Variants in TUBGCP3 observed in about 807,000 individuals in gnomAD.
TUBGCP3 encodes the protein tubulin gamma complex component 3.
TUBGCP3 carries 50 observed loss-of-function variants against 123.1 expected under a neutral mutation model. The ratio of observed to expected loss-of-function variants is 0.41; its 90% CI spans 0.32 to 0.51. TUBGCP3 has a LOEUF of 0.51. TUBGCP3 is among the 20% of genes least tolerant of loss of function. The pLI is 0.36. For missense variants in TUBGCP3, 882 were observed against 1,127.0 expected (o/e 0.78, Z 3.11); for synonymous variants, 405 against 413.9 (o/e 0.98, Z 0.26).
chr13:112,544,839 T>C (rs376883871), intron 11 of TUBGCP3: 2 of 152,384 alleles, frequency 1.3e-5, no homozygotes, highest in South Asian at 2.1e-4. Context: ...AAACAACTTG[T>C]AACAGCACAA....
chr13:112,567,118 G>C (rs1291600131), intron 2 of TUBGCP3, among the ~76,000 whole-genome samples: 2 of 152,118 alleles, frequency 1.3e-5, no homozygotes, highest in Non-Finnish European at 2.9e-5. Flanking sequence ...CTCACTGGAG[G>C]GTCCCAAGAA....
At chr13:112,593,144 C>T (rs141393242), upstream of TUBGCP3, among the ~76,000 whole-genome samples, 212 of 152,242 alleles carry the variant, frequency 1.4e-3, no homozygotes, top group Admixed American at 3.3e-3. Context: ...GGATGCTGGG[C>T]GCGGTAGCTC....
chr13:112,524,342 G>A lies in TUBGCP3; in HGVS notation c.1556-1833C>T, dbSNP rs562181670. 5.8e-4 allele frequency among the ~76,000 whole-genome samples: 88 copies of A among 152,244 alleles called. No individual in the cohort carries two copies. The highest frequency in any genetic ancestry group is 2.0e-3 in the African/African-American group (81 of 41,538). ...TTGATTGAATCTGCAGATGTGGGGC[G>A]GTGGGTACAGGGGCCGCCAGCAGCA... On this transcript the variant is annotated intron_variant, in intron 13 of 21. Transcript: ENST00000261965. This position sits in a 1 kb window ranked among gnomAD's most constrained non-coding sequence, Gnocchi z 4.4.
At chr13:112,486,279 G>A in intron 21 of TUBGCP3, 128 bp from the exon 22 acceptor site, 1 of 1,148,186 alleles carries the variant, frequency 8.7e-7, no homozygotes. Flanking sequence ...CTTAGTAAAT[G>A]CCCACCAGGG....
intron 1 of TUBGCP3, among the ~76,000 whole-genome samples, chr13:112,580,422 A>G: frequency 6.6e-6 from 1 of 152,194 alleles, no homozygotes; most frequent in Non-Finnish European, 1.5e-5. Flanking sequence ...ACTTGAGCCC[A>G]GGAGTTTGCG....
intron 20 of TUBGCP3, among the ~76,000 whole-genome samples, chr13:112,490,315 G>GC (rs1467460898): frequency 6.6e-6 from 1 of 152,194 alleles, no homozygotes; most frequent in Admixed American, 6.5e-5. Flanking sequence ...GAGTACAATG[G>GC]CATGATCTCA....
chr13:112,566,500 T>C (rs1880960559), intron 2 of TUBGCP3, among the ~76,000 whole-genome samples: 1 of 152,220 alleles, frequency 6.6e-6, no homozygotes, highest in Admixed American at 6.5e-5. Context: ...AGAGATTACA[T>C]AATCTAATCA....
At chr13:112,578,684 T>C (rs903324721) in intron 1 of TUBGCP3, among the ~76,000 whole-genome samples, 2 of 151,202 alleles carry the variant, frequency 1.3e-5, no homozygotes. Flanking sequence ...GACCCCCACA[T>C]TCTCACCACC....
chr13:112,572,316 G>T (rs1472204704), intron 1 of TUBGCP3, among the ~76,000 whole-genome samples: 1 of 152,152 alleles, frequency 6.6e-6, no homozygotes, highest in African/African-American at 2.4e-5. Flanking sequence ...GAACGTGCAG[G>T]TTTGTTACAC....
chr13:112,523,789 C>G (rs114072661), intron 13 of TUBGCP3, among the ~76,000 whole-genome samples: 1,770 of 152,308 alleles, frequency 0.012, 31 homozygotes, highest in African/African-American at 0.039. Flanking sequence ...CTCTCGTGCT[C>G]AGTTTTTAAA....
chr13:112,490,535 G>A (rs1005948401), intron 20 of TUBGCP3, among the ~76,000 whole-genome samples: 19 of 152,328 alleles, frequency 1.2e-4, no homozygotes, highest in Admixed American at 1.0e-3. Flanking sequence ...GATTACAGGC[G>A]GGAGCCACCG....
At chr13:112,522,533 C>A in intron 13 of TUBGCP3, 24 bp from the exon 14 acceptor site, 1 of 1,596,392 alleles carries the variant, frequency 6.3e-7, no homozygotes. Context: ...CAGGGAAGAG[C>A]ACACATGCAT....
At chr13:112,556,329 A>C (rs904585578) in intron 5 of TUBGCP3, 105 bp from the exon 6 acceptor site, 1 of 1,105,914 alleles carries the variant, frequency 9.0e-7, no homozygotes, top group Middle Eastern at 2.2e-4. Context: ...ACATAAATTT[A>C]TAAATCTGGT....
At chr13:112,495,195 G>A (rs1880454309) in intron 20 of TUBGCP3, among the ~76,000 whole-genome samples, 1 of 152,130 alleles carries the variant, frequency 6.6e-6, no homozygotes, top group Admixed American at 6.5e-5. Context: ...CATAATGTGA[G>A]GTCTTAGATT....
Position 112,569,349 on chromosome 13 carries a change from A to G in TUBGCP3, c.77-90T>C, listed in dbSNP as rs1881225153. On this transcript the variant is annotated intron_variant, in intron 1 of 21. Transcript: ENST00000261965. Reference sequence around the variant, plus strand: ...TCCAGTTCAAGACAGTGAACTAGTAATAACATCTATCTTCCACCTCCCCAA... The same window carrying G: ...TCCAGTTCAAGACAGTGAACTAGTAGTAACATCTATCTTCCACCTCCCCAA... The G allele has an allele frequency of 6.2e-6, 7 of 1,130,704 alleles. No homozygotes were observed. In the South Asian group the frequency reaches 9.3e-5, roughly 15 times the overall value. The allele number at this position is 1,130,704 out of a possible 1,614,324, so 70.0% of individuals were successfully genotyped here.
At chr13:112,540,092 GC>G (rs368212017) in intron 11 of TUBGCP3, among the ~76,000 whole-genome samples, 7,949 of 132,270 alleles carry the variant, frequency 0.06, no homozygotes, top group African/African-American at 0.12. Context: ...CAATGTAGTA[GC>G]CCTATGAGCA....
At chr13:112,553,346 G>A (rs1879748148) in intron 8 of TUBGCP3, among the ~76,000 whole-genome samples, 1 of 152,260 alleles carries the variant, frequency 6.6e-6, no homozygotes, top group Non-Finnish European at 1.5e-5. Context: ...GTGCTACGCT[G>A]AGCTTATAGT....
intron 1 of TUBGCP3, 126 bp downstream of exon 1, chr13:112,587,779 C>A: frequency 3.7e-6 from 3 of 818,946 alleles, no homozygotes; most frequent in Non-Finnish European, 5.3e-6. Flanking sequence ...GTCCTCGGCC[C>A]GTCCCCCAGC....
intron 1 of TUBGCP3, among the ~76,000 whole-genome samples, chr13:112,573,672 A>G (rs1319561674): frequency 6.6e-6 from 1 of 152,192 alleles, no homozygotes; most frequent in East Asian, 1.9e-4. Flanking sequence ...ATCTTTCAGA[A>G]AGCCTCCACC....
Sources: gnomAD v4.1 joint callset for allele counts (sites outside exome capture counted in the v4.1 genomes callset) on GRCh38, gnomAD v4.1.1 for gene constraint, Gnocchi (gnomAD v3.1) non-coding constraint, MANE v1.5 for transcripts, NCBI Gene and HGNC (gene_info 2026-07-23, HGNC 2026-07-21) for gene names.